Variants in PTPRN2 observed in about 807,000 individuals in gnomAD.
PTPRN2 encodes the protein receptor-type tyrosine-protein phosphatase N2.
In PTPRN2, 74 loss-of-function variants were observed where a neutral mutation model predicts 118.8. The observed-to-expected ratio is 0.62, with a 90% CI of 0.52 to 0.76. The LOEUF is 0.76. Ranked by LOEUF, PTPRN2 falls within the 30% of genes least tolerant of loss-of-function variation. The pLI, the probability that PTPRN2 is intolerant of heterozygous loss-of-function variation, is 0.00. For missense variants in PTPRN2, 1,481 were observed against 1,394.4 expected (o/e 1.06, Z -0.99); for synonymous variants, 641 against 608.0 (o/e 1.05, Z -0.80).
chr7:158,431,752 T>C (rs1816216147), intron 2 of PTPRN2, among the ~76,000 whole-genome samples: 1 of 133,210 alleles, frequency 7.5e-6, no homozygotes, highest in Non-Finnish European at 1.6e-5. Flanking sequence ...ACACACTGGC[T>C]CACAATGGCT....
At chr7:158,390,727 G>A (rs763162586) in intron 2 of PTPRN2, among the ~76,000 whole-genome samples, 2 of 152,252 alleles carry the variant, frequency 1.3e-5, no homozygotes, top group African/African-American at 2.4e-5. Flanking sequence ...CGCACTTTGC[G>A]GGAGAGCTGG....
Position 158,526,964 on chromosome 7 carries a change from T to C in PTPRN2, c.113-37179A>G, listed in dbSNP as rs932178467. Among the ~76,000 whole-genome samples, 4 of 152,096 alleles carry C rather than the reference T, an allele frequency of 2.6e-5. No individual in the cohort carries two copies. Among genetic ancestry groups the C allele is most frequent in the Admixed American group, 1.3e-4 (2 of 15,266 alleles). On this transcript the variant is annotated intron_variant, in intron 1 of 22. Coordinates refer to ENST00000389418, the MANE Select transcript of PTPRN2 (RefSeq NM_002847.5). The surrounding 1 kb of genome is among the most constrained non-coding windows in gnomAD (Gnocchi z 5.2). ...CACTTTCTTTCTAACACAATGAAGA[T>C]AGAGTTGGTGACCTCCTCAAACCTT...
chr7:158,281,650 C>T (rs148497540), intron 3 of PTPRN2, among the ~76,000 whole-genome samples: 235 of 151,994 alleles, frequency 1.5e-3, no homozygotes, highest in African/African-American at 5.3e-3. Context: ...CCCGTGCAAA[C>T]GCTCAGGTGT....
At chr7:157,542,654 C>G (rs1798068481) in intron 22 of PTPRN2, among the ~76,000 whole-genome samples, 1 of 152,236 alleles carries the variant, frequency 6.6e-6, no homozygotes, top group Non-Finnish European at 1.5e-5. Context: ...GTTTCCAACA[C>G]TGCACAGTCA....
intron 3 of PTPRN2, among the ~76,000 whole-genome samples, chr7:158,241,195 A>G (rs958110510): frequency 6.6e-6 from 1 of 152,170 alleles, no homozygotes; most frequent in Non-Finnish European, 1.5e-5. Flanking sequence ...CTTTCATAAC[A>G]TATTTGCTGA....
chr7:158,071,510 G>T (rs1309296028), intron 11 of PTPRN2, among the ~76,000 whole-genome samples: 1 of 138,828 alleles, frequency 7.2e-6, no homozygotes, highest in Non-Finnish European at 1.5e-5. Context: ...TGGTGGAGAT[G>T]CTCGTGGTGG....
At chr7:157,807,212 TCAGCTTGCAGGTGCC>T (rs1805689562) in intron 12 of PTPRN2, among the ~76,000 whole-genome samples, 1 of 152,216 alleles carries the variant, frequency 6.6e-6, no homozygotes, top group Non-Finnish European at 1.5e-5. Flanking sequence ...ATGGGGTTTG[TCAGCTTGCAGGTGCC>T]CAGCCCTTTC....
intron 11 of PTPRN2, among the ~76,000 whole-genome samples, chr7:157,956,778 T>C (rs555237856): frequency 1.4e-4 from 22 of 152,382 alleles, no homozygotes; most frequent in African/African-American, 5.0e-4. Context: ...GAGGATAAAC[T>C]GTTACACAGA....
chr7:158,272,494 G>T (rs770019739), intron 3 of PTPRN2, among the ~76,000 whole-genome samples: 1 of 151,846 alleles, frequency 6.6e-6, no homozygotes, highest in East Asian at 1.9e-4. Flanking sequence ...CACTGAGCAG[G>T]TTTGCCCAGA....
intron 4 of PTPRN2, among the ~76,000 whole-genome samples, chr7:158,200,586 T>C (rs548960081): frequency 2.6e-5 from 4 of 152,352 alleles, no homozygotes; most frequent in African/African-American, 9.6e-5. Context: ...TATAAAAGTC[T>C]GTATCCTGCA....
intron 12 of PTPRN2, among the ~76,000 whole-genome samples, chr7:157,796,066 C>T (rs1428099874): frequency 1.3e-5 from 2 of 152,230 alleles, no homozygotes; most frequent in Non-Finnish European, 2.9e-5. Flanking sequence ...TAAACACACG[C>T]GTTCCAGGAC....
chr7:157,653,118 C>T (rs75925496), intron 14 of PTPRN2, among the ~76,000 whole-genome samples: 4,373 of 152,276 alleles, frequency 0.029, 192 homozygotes, highest in African/African-American at 0.097. Context: ...GCCCCCCAGA[C>T]GGTGCAGCCG....
intron 11 of PTPRN2, among the ~76,000 whole-genome samples, chr7:158,066,345 G>C (rs1264715807): frequency 6.6e-6 from 1 of 152,162 alleles, no homozygotes; most frequent in African/African-American, 2.4e-5. Flanking sequence ...CTCTAAATAT[G>C]GGCTGCCAGG....
chr7:158,144,683 T>A (rs1481476478), intron 6 of PTPRN2, among the ~76,000 whole-genome samples: 2 of 151,964 alleles, frequency 1.3e-5, no homozygotes, highest in African/African-American at 2.4e-5. Flanking sequence ...CATCCCGGGG[T>A]GGAGCGCTCA....
intron 11 of PTPRN2, among the ~76,000 whole-genome samples, chr7:157,962,465 T>C (rs1240603956): frequency 6.6e-6 from 1 of 152,236 alleles, no homozygotes; most frequent in Admixed American, 6.5e-5. Context: ...AGCAGGTCTC[T>C]CATTATTAGA....
chr7:158,076,317 G>A (rs1348360097), intron 11 of PTPRN2, among the ~76,000 whole-genome samples: 1 of 152,198 alleles, frequency 6.6e-6, no homozygotes, highest in Admixed American at 6.5e-5. Context: ...TCCCTGGGGA[G>A]TGGGTGTGTG....
chr7:158,341,031 A>AGT (rs1483378304), intron 2 of PTPRN2, among the ~76,000 whole-genome samples: 2 of 14,810 alleles, frequency 1.4e-4, no homozygotes, highest in Non-Finnish European at 3.0e-4. Context: ...TCACACCCAC[A>AGT]CTCACCATGA....
chr7:157,983,420 CAT>C (rs1434740070), intron 11 of PTPRN2, among the ~76,000 whole-genome samples: 2 of 151,904 alleles, frequency 1.3e-5, no homozygotes, highest in African/African-American at 4.8e-5. Flanking sequence ...AACCCCGAGT[CAT>C]AGAGATGAGG....
intron 3 of PTPRN2, among the ~76,000 whole-genome samples, chr7:158,264,860 C>T (rs1419033872): frequency 6.6e-6 from 1 of 152,172 alleles, no homozygotes; most frequent in Non-Finnish European, 1.5e-5. Flanking sequence ...CTGGCACTTT[C>T]CTTGATGCCC....
Sources: allele counts gnomAD v4.1 joint callset (sites outside exome capture counted in the v4.1 genomes callset), GRCh38; gene constraint gnomAD v4.1.1; non-coding constraint Gnocchi (gnomAD v3.1); transcripts MANE v1.5; gene names NCBI Gene and HGNC (gene_info 2026-07-23, HGNC 2026-07-21).